The following ARMC5 variants were observed in gnomAD, a reference collection of about 807,000 sequenced individuals.
The protein encoded by ARMC5 is armadillo repeat-containing protein 5.
Under a neutral mutation model 60.5 loss-of-function variants are expected in ARMC5, and 28 were observed. That is an observed-to-expected ratio of 0.46 (90% CI 0.34 to 0.63). The LOEUF (loss-of-function observed/expected upper bound fraction) is 0.63. Among genes scored for constraint, ARMC5 ranks in the 30% least tolerant of loss-of-function variants. The pLI is 0.01. For synonymous variants in ARMC5, 680 were observed against 607.3 expected (o/e 1.12, Z -1.76); for missense variants, 1,189 against 1,304.9 (o/e 0.91, Z 1.37).
chr16:31,462,024 G>A lies in ARMC5; in HGVS notation c.578G>A (p.Cys193Tyr). Residue 193 changes from cysteine (C) to tyrosine (Y), a missense_variant, in exon 2 of 6, where the codon TGT becomes TAT. By Grantham distance (194) the Cys-to-Tyr change is radical. Around this residue, in one of 2 missense-constraint regions of ARMC5, gnomAD observed 862 missense variants for 1,071.2 expected, o/e 0.80. Transcript: ENST00000268314. The surrounding 1 kb of genome is among the most constrained non-coding windows in gnomAD (Gnocchi z 7.2). ...CCTGAGAGCTGTGGGGACATCCACT[G>A]TGCTGGTAAGAGGCTGTGAGGTTGG... Reference protein sequence around the residue: ...MEPESCGDIHCAGAVPLLVES... With the variant: ...MEPESCGDIHYAGAVPLLVES... 6.2e-7 allele frequency: 1 copy of A among 1,614,176 alleles called. No individual in the cohort carries two copies. Among genetic ancestry groups the A allele is most frequent in the Non-Finnish European group, 8.5e-7 (1 of 1,180,002 alleles).
At chr16:31,465,061 G>A (rs2082341576) in intron 4 of ARMC5, 174 bp downstream of exon 4, 1 of 1,613,848 alleles carries the variant, frequency 6.2e-7, no homozygotes, top group Non-Finnish European at 8.5e-7. Flanking sequence ...CCCTCCATGG[G>A]CCCACAGGCA....
At position 31,464,559 on chromosome 16, in the gene ARMC5, C is replaced by T. The variant is rs776075867; in HGVS notation, c.1536C>T (p.Ala512=). The T allele has an allele frequency of 1.2e-5, 19 of 1,583,026 alleles. No homozygotes were observed. The highest frequency in any genetic ancestry group is 7.2e-5 in the Admixed American group (4 of 55,908). The change falls in exon 4 of 6, where the codon GCC becomes GCT. Residue 512 remains alanine (A), a synonymous_variant. Coordinates refer to ENST00000268314, the MANE Select transcript of ARMC5 (RefSeq NM_001105247.2). The surrounding 1 kb of genome is among the most constrained non-coding windows in gnomAD (Gnocchi z 7.6). ...AACGCACTCCGGGCCGCAGCCCCGCCGCCGCCATCGAGGAGCCTTGGGGAC... is the reference window on the plus strand; with the variant it reads ...AACGCACTCCGGGCCGCAGCCCCGCTGCCGCCATCGAGGAGCCTTGGGGAC... ...RTQRTPGRSP[A]AAIEEPWGRE... is the part of the protein sequence containing the mutation.
In ARMC5 at chr16:31,462,601, G is replaced by A. The variant is rs1484658615; in HGVS notation, c.1054G>A (p.Val352Met). 1.9e-6 allele frequency: 3 copies of A among 1,613,166 alleles called. No homozygotes were observed. The highest frequency in any genetic ancestry group is 2.2e-5 in the East Asian group (1 of 44,902). ...PTSQQPLVRA[V>M]CLLCREAINR... Reference sequence around the variant, plus strand: ...CTCCCAGCAGCCCCTGGTGCGGGCTGTGTGCCTCCTATGTCGTGAGGCCAT... The same window carrying A: ...CTCCCAGCAGCCCCTGGTGCGGGCTATGTGCCTCCTATGTCGTGAGGCCAT... The change falls in exon 3 of 6, where the codon GTG (valine) becomes ATG (methionine). Residue 352 changes from valine to methionine, a missense_variant. This residue lies in a region of ARMC5 where 862 missense variants were observed against 1,071.2 expected (regional missense o/e 0.80). Transcript: ENST00000268314. The surrounding 1 kb of genome is among the most constrained non-coding windows in gnomAD (Gnocchi z 7.2).
chr16:31,460,919 A>G (rs1041122593), intron 1 of ARMC5, among the ~76,000 whole-genome samples: 7 of 152,240 alleles, frequency 4.6e-5, no homozygotes, highest in African/African-American at 1.7e-4. Flanking sequence ...CCTGCCTTCC[A>G]CGAAATTATG....
chr16:31,466,883 T>C lies in ARMC5; in HGVS notation c.2802T>C (p.Pro934=), dbSNP rs771738535. ...VMGIELGARV[P]A ...GGATTGAGTTGGGGGCAAGGGTCCC[T>C]GCCTAGACTGTTGACGTCCCCTGGG... The change falls in exon 6 of 6, where the codon CCT becomes CCC. Residue 934 remains proline (P), a synonymous_variant. Coordinates refer to ENST00000268314, the MANE Select transcript of ARMC5 (RefSeq NM_001105247.2). The surrounding 1 kb of genome is among the most constrained non-coding windows in gnomAD (Gnocchi z 8.0). 2 of 1,539,814 alleles carry C rather than the reference T, an allele frequency of 1.3e-6. No homozygotes were observed. The highest frequency in any genetic ancestry group is 4.2e-5 in the Admixed American group (2 of 47,416).
intron 4 of ARMC5, chr16:31,465,116 C>T: frequency 6.2e-7 from 1 of 1,614,058 alleles, no homozygotes; most frequent in Non-Finnish European, 8.5e-7. Context: ...CCCAGATACC[C>T]TAACTCTAGA....
chr16:31,461,358 T>G (rs1263304886), intron 1 of ARMC5, among the ~76,000 whole-genome samples: 2 of 152,150 alleles, frequency 1.3e-5, no homozygotes, highest in African/African-American at 4.8e-5. Context: ...TGGCCTGACA[T>G]TTGAAGCCTT....
chr16:31,459,286 G>C (rs1244701872), upstream of ARMC5: 1 of 1,534,546 alleles, frequency 6.5e-7, no homozygotes, highest in East Asian at 2.4e-5. Flanking sequence ...AGCTCGACGC[G>C]GACCACATCT....
At chr16:31,463,015 C>T in intron 3 of ARMC5, 98 bp downstream of exon 3, 1 of 1,247,996 alleles carries the variant, frequency 8.0e-7, no homozygotes, top group Non-Finnish European at 1.1e-6. Flanking sequence ...CCTATTCTGT[C>T]TGAATAAGAC....
chr16:31,466,582 A>C lies in ARMC5; in HGVS notation c.2501A>C (p.Glu834Ala). ...GQPLLGSEAE[E>A]ALEAAGRFLL... Reference sequence around the variant, plus strand: ...CCCCTGCTGGGTTCAGAGGCCGAGGAGGCACTGGAGGCTGCTGGCCGTTTC... The same window carrying C: ...CCCCTGCTGGGTTCAGAGGCCGAGGCGGCACTGGAGGCTGCTGGCCGTTTC... Residue 834 changes from glutamate to alanine, a missense_variant, in exon 6 of 6, where the codon GAG becomes GCG. Physicochemically the swap from Glu to Ala is moderately radical, Grantham distance 107. Coordinates refer to ENST00000268314, the MANE Select transcript of ARMC5 (RefSeq NM_001105247.2). The surrounding 1 kb of genome is among the most constrained non-coding windows in gnomAD (Gnocchi z 8.0). 6.2e-7 allele frequency: 1 copy of C among 1,608,778 alleles called. No homozygotes were observed. Among genetic ancestry groups the C allele is most frequent in the Non-Finnish European group, 8.5e-7 (1 of 1,178,798 alleles).
Position 31,462,559 on chromosome 16 carries a change from A to G in ARMC5, c.1012A>G (p.Asn338Asp). ...VDELRQRRDP[N>D]GASPTSQQPL... is the part of the protein sequence containing the mutation. ...TGAGCTCCGGCAGCGCCGGGATCCTAATGGAGCTAGCCCAACCTCCCAGCA... is the reference window on the plus strand; with the variant it reads ...TGAGCTCCGGCAGCGCCGGGATCCTGATGGAGCTAGCCCAACCTCCCAGCA... Residue 338 changes from asparagine to aspartate, a missense_variant, in exon 3 of 6, where the codon AAT (asparagine) becomes GAT (aspartate). Around this residue, in one of 2 missense-constraint regions of ARMC5, gnomAD observed 862 missense variants for 1,071.2 expected, o/e 0.80. Coordinates refer to ENST00000268314, the MANE Select transcript of ARMC5 (RefSeq NM_001105247.2). The surrounding 1 kb of genome is among the most constrained non-coding windows in gnomAD (Gnocchi z 7.2). The G allele has an allele frequency of 6.2e-7, 1 of 1,611,444 alleles. No homozygotes were observed. The highest frequency in any genetic ancestry group is 8.5e-7 in the Non-Finnish European group (1 of 1,179,846).
At position 31,462,103 on chromosome 16, in the gene ARMC5, C is replaced by A. The variant is rs749471013; in HGVS notation, c.584-28C>A. Reference sequence around the variant, plus strand: ...GGCTTGAGTGTCTGTCCTTGTTCACCCTCTGTGCTCCCCTTTCCTGCCCTC... The same window carrying A: ...GGCTTGAGTGTCTGTCCTTGTTCACACTCTGTGCTCCCCTTTCCTGCCCTC... On this transcript the variant is annotated intron_variant, in intron 2 of 5. Coordinates refer to ENST00000268314, the MANE Select transcript of ARMC5 (RefSeq NM_001105247.2). The surrounding 1 kb of genome is among the most constrained non-coding windows in gnomAD (Gnocchi z 7.2). 1 of 1,612,594 alleles carries A rather than the reference C, an allele frequency of 6.2e-7. No homozygotes were observed.
rs769255353 is a variant in ARMC5 at position 31,466,006 on chromosome 16, C to A, written c.1997+24C>A. 8.1e-6 allele frequency: 13 copies of A among 1,597,704 alleles called. No homozygotes were observed. The highest frequency in any genetic ancestry group is 1.1e-5 in the Non-Finnish European group (13 of 1,177,212). The stretch of plus-strand genomic sequence containing the variant: ...CGGTGAGTGGGAAGTGGGTGCCTTG[C>A]GGGGTTGGGGGAGGAGTGCTGTGTT... On this transcript the variant is annotated intron_variant, in intron 5 of 5. Coordinates refer to ENST00000268314, the MANE Select transcript of ARMC5 (RefSeq NM_001105247.2). This position sits in a 1 kb window ranked among gnomAD's most constrained non-coding sequence, Gnocchi z 8.0.
At chr16:31,458,443 C>T (rs573436709), upstream of ARMC5, 56 of 1,535,756 alleles carry the variant, frequency 3.6e-5, no homozygotes, top group East Asian at 1.3e-3. Flanking sequence ...GGTGTGTACC[C>T]AGTGGTGCTT....
intron 1 of ARMC5, among the ~76,000 whole-genome samples, chr16:31,460,476 T>G (rs1234213403): frequency 6.6e-6 from 1 of 152,080 alleles, no homozygotes; most frequent in Non-Finnish European, 1.5e-5. Context: ...GGGGCAATAA[T>G]AGCTACCTAA....
In ARMC5 at chr16:31,459,502, C is replaced by T; in HGVS notation, c.-23C>T. ...CTGGGATCAGCGGCGAGAAGCGGGG[C>T]GGAGTCTGAGGCCCGAGCCAAGATG... On this transcript the variant is annotated 5_prime_UTR_variant, in exon 1 of 6. Transcript: ENST00000268314. The T allele has an allele frequency of 6.3e-7, 1 of 1,589,968 alleles. No homozygotes were observed.
In ARMC5 at chr16:31,466,544, C is replaced by A. The variant is rs776373665; in HGVS notation, c.2463C>A (p.Pro821=). The A allele has an allele frequency of 6.2e-7, 1 of 1,608,360 alleles. No individual in the cohort carries two copies. The highest frequency in any genetic ancestry group is 1.1e-5 in the South Asian group (1 of 91,008). ...GTGGGGCTGCCCTGGGGCCCGTGCC[C>A]CCACCAGGCCAGCCCCTGCTGGGTT... ...RGCGAALGPV[P]PPGQPLLGSE... is the part of the protein sequence containing the mutation. Residue 821 remains proline, a synonymous_variant, in exon 6 of 6, where the codon CCC becomes CCA. Transcript: ENST00000268314. The surrounding 1 kb of genome is among the most constrained non-coding windows in gnomAD (Gnocchi z 8.0).
chr16:31,461,769 A>C (rs1775867723), intron 1 of ARMC5, among the ~76,000 whole-genome samples, 153 bp from the exon 2 acceptor site: 1 of 152,100 alleles, frequency 6.6e-6, no homozygotes, highest in Admixed American at 6.5e-5. Flanking sequence ...TGGTCCCCCA[A>C]AGTGCTAGGA....
At chr16:31,458,998 C>T (rs2082272341), upstream of ARMC5, 2 of 1,534,626 alleles carry the variant, frequency 1.3e-6, no homozygotes, top group African/African-American at 1.4e-5. Flanking sequence ...CCTCTTCTTC[C>T]TCTGACCGAG....
Sources: gnomAD v4.1 joint callset for allele counts (sites outside exome capture counted in the v4.1 genomes callset) on GRCh38, gnomAD v4.1.1 for gene constraint, gnomAD v4.1.1 regional missense constraint, Gnocchi (gnomAD v3.1) non-coding constraint, MANE v1.5 for transcripts, NCBI Gene and HGNC (gene_info 2026-07-23, HGNC 2026-07-21) for gene names.